Variants in EBP observed in about 807,000 individuals in gnomAD.
EBP encodes the protein 3-beta-hydroxysteroid-Delta(8),Delta(7)-isomerase.
EBP carries 1 observed loss-of-function variant against 14.1 expected under a neutral mutation model. The ratio of observed to expected loss-of-function variants is 0.07; its 90% CI spans 0.03 to 0.34. EBP has a LOEUF of 0.34. EBP is among the 10% of genes least tolerant of loss of function. The probability of loss-of-function intolerance (pLI) is 0.99; values close to 1 mark genes in which losing one functional copy is unlikely to be tolerated. For missense variants in EBP, 123 were observed against 184.6 expected, an observed-to-expected ratio of 0.67 and a Z score of 1.93; for synonymous variants, 72 against 77.7, an observed-to-expected ratio of 0.93 and a Z score of 0.38.
Position 48,523,916 on chromosome X carries a change from T to G in EBP, c.145T>G (p.Leu49Val). The change falls in exon 2 of 5, where the codon TTG (leucine) becomes GTG (valine). Residue 49 changes from leucine (L) to valine (V), a missense_variant. Transcript: ENST00000495186. ...GGTCTTAGTCGTGACCACATGGCTGTTGTCAGGTCGTGCTGCGGTTGTCCC... is the reference window on the plus strand; with the variant it reads ...GGTCTTAGTCGTGACCACATGGCTGGTGTCAGGTCGTGCTGCGGTTGTCCC... The part of the protein sequence containing the change: ...TGVLVVTTWL[L>V]SGRAAVVPLG... 8.3e-7 allele frequency: 1 copy of G among 1,211,603 alleles called. No individual in the cohort carries two copies. The highest frequency in any genetic ancestry group is 1.1e-6 in the Non-Finnish European group (1 of 895,515).
Position 48,523,784 on chromosome X carries a change from G to T in EBP, c.13G>T (p.Ala5Ser). 8.4e-7 allele frequency: 1 copy of T among 1,191,959 alleles called. No homozygotes were observed. Among genetic ancestry groups the T allele is most frequent in the Non-Finnish European group, 1.1e-6 (1 of 888,277 alleles). Residue 5 changes from alanine (A) to serine (S), a missense_variant, in exon 2 of 5, where the codon GCG becomes TCG. Transcript: ENST00000495186. MTTN[A>S]GPLHPYWPQH... ...AGCCCACAAAGACATGACTACCAACGCGGGCCCCTTGCACCCATACTGGCC... is the reference window on the plus strand; with the variant it reads ...AGCCCACAAAGACATGACTACCAACTCGGGCCCCTTGCACCCATACTGGCC...
Position 48,526,857 on chromosome X carries a change from C to T in EBP, c.302-132C>T, listed in dbSNP as rs781844832. ...ACCACTAGAATCCAAACAGTTACCC[C>T]ATTTCACGGATGAGGAAGCAGACGC... On this transcript the variant is annotated intron_variant, in intron 2 of 4. Coordinates refer to ENST00000495186, the MANE Select transcript of EBP (RefSeq NM_006579.3). 272 of 710,157 alleles carry T rather than the reference C, an allele frequency of 3.8e-4. 1 individual carries two copies. Among genetic ancestry groups the T allele is most frequent in the Non-Finnish European group, 3.6e-5 (16 of 445,904 alleles). The allele number at this position is 710,157 out of a possible 1,213,427, so 58.5% of individuals were successfully genotyped here.
In EBP at chrX:48,523,945, G is replaced by A. The variant is rs960238368; in HGVS notation, c.174G>A (p.Leu58=). The change falls in exon 2 of 5, where the codon TTG becomes TTA. Residue 58 remains leucine, a synonymous_variant. Coordinates refer to ENST00000495186, the MANE Select transcript of EBP (RefSeq NM_006579.3). ...LLSGRAAVVP[L]GTWRRLSLCW... ...CAGGTCGTGCTGCGGTTGTCCCATT[G>A]GGGACTTGGCGGCGACTGTCCCTGT... is the stretch of plus-strand genomic sequence containing the variant. 3 of 1,209,211 alleles carry A rather than the reference G, an allele frequency of 2.5e-6. No homozygotes were observed. In the African/African-American group the frequency reaches 5.3e-5, roughly 21 times the overall value.
chrX:48,525,119 T>G, intron 2 of EBP, among the ~76,000 whole-genome samples: 1 of 112,406 alleles, frequency 8.9e-6, no homozygotes, highest in South Asian at 3.7e-4. Context: ...TGTTGATAGT[T>G]GTTTATGTTT....
chrX:48,528,414 C>G lies in EBP; in HGVS notation c.650C>G (p.Thr217Arg). ...AVKHLTHAQSTLDAKATKAKS... is the reference protein window; with the variant it reads ...AVKHLTHAQSRLDAKATKAKS... ...AAGCACCTCACTCATGCCCAGAGCA[C>G]GCTGGATGCCAAGGCCACAAAAGCC... The change falls in exon 5 of 5, where the codon ACG (threonine) becomes AGG (arginine). Residue 217 changes from threonine to arginine, a missense_variant. Thr to Arg is a moderately conservative substitution (Grantham distance 71). Transcript: ENST00000495186. 2 of 1,174,544 alleles carry G rather than the reference C, an allele frequency of 1.7e-6. No individual in the cohort carries two copies. The highest frequency in any genetic ancestry group is 2.3e-6 in the Non-Finnish European group (2 of 876,414).
Position 48,528,461 on chromosome X carries a change from G to GT in EBP, c.*5dup. Reference sequence around the variant, plus strand: ...AGCCAAGAGCAAGAAGAACTGAGGAGTGGTGGACCAGGCTCGAACACTGGC... The same window carrying GT: ...AGCCAAGAGCAAGAAGAACTGAGGAGTTGGTGGACCAGGCTCGAACACTGGC... On this transcript the variant is annotated 3_prime_UTR_variant, in exon 5 of 5. Transcript: ENST00000495186. 1 of 1,162,585 alleles carries GT rather than the reference G, an allele frequency of 8.6e-7. No individual in the cohort carries two copies. The highest frequency in any genetic ancestry group is 1.8e-5 in the African/African-American group (1 of 56,300).
In EBP at chrX:48,528,566, C is replaced by A; in HGVS notation, c.*109C>A. ...AGGGACAAAGCTAATTGATCTGTCA[C>A]ACTCAGGCTCATGGGCAGGCACAAG... On this transcript the variant is annotated 3_prime_UTR_variant, in exon 5 of 5. Transcript: ENST00000495186. 1 of 729,769 alleles carries A rather than the reference C, an allele frequency of 1.4e-6. No individual in the cohort carries two copies. Among genetic ancestry groups the A allele is most frequent in the Non-Finnish European group, 2.1e-6 (1 of 485,905 alleles). The allele number at this position is 729,769 out of a possible 1,213,427, so 60.1% of individuals were successfully genotyped here.
rs1387099617 is a variant in EBP, at chrX:48,523,570, A to C, written c.-73-129A>C. 3 of 451,133 alleles carry C rather than the reference A, an allele frequency of 6.6e-6. No individual in the cohort carries two copies. In the African/African-American group the frequency reaches 7.6e-5, roughly 11 times the overall value. 37.2% of individuals were successfully genotyped at this position (451,133 alleles called of 1,213,427 possible). A position where few individuals can be genotyped will look rare whatever the true frequency, so the allele number is the denominator to read the frequency against. ...CTCCGTCTGAAAAAAAAAAAAAAAA[A>C]CGGAATGTAATTAGAAGTGTTACAA... On this transcript the variant is annotated intron_variant, in intron 1 of 4. Coordinates refer to ENST00000495186, the MANE Select transcript of EBP (RefSeq NM_006579.3).
intron 2 of EBP, 67 bp from the exon 3 acceptor site, chrX:48,526,922 C>T: frequency 8.6e-7 from 1 of 1,161,891 alleles, no homozygotes; most frequent in Non-Finnish European, 1.2e-6. Flanking sequence ...CAGGGACCCC[C>T]AGCTCTCACA....
At chrX:48,525,837 A>T (rs782080987) in intron 2 of EBP, among the ~76,000 whole-genome samples, 19 of 110,003 alleles carry the variant, frequency 1.7e-4, no homozygotes, top group Non-Finnish European at 2.8e-4. Flanking sequence ...CTGTAATCCC[A>T]GCACTTTGTG....
At chrX:48,526,881 G>A (rs909208851) in intron 2 of EBP, 108 bp from the exon 3 acceptor site, 10 of 880,507 alleles carry the variant, frequency 1.1e-5, no homozygotes, top group East Asian at 3.1e-5. Context: ...GGAAGCAGAC[G>A]CATGGGAAGG....
Position 48,523,925 on chromosome X carries a change from C to G in EBP, c.154C>G (p.Arg52Gly). The G allele has an allele frequency of 2.5e-6, 3 of 1,211,460 alleles. No individual in the cohort carries two copies. The highest frequency in any genetic ancestry group is 3.4e-6 in the Non-Finnish European group (3 of 895,505). ...CGTGACCACATGGCTGTTGTCAGGT[C>G]GTGCTGCGGTTGTCCCATTGGGGAC... Reference protein sequence around the residue: ...LVVTTWLLSGRAAVVPLGTWR... With the variant: ...LVVTTWLLSGGAAVVPLGTWR... The change falls in exon 2 of 5, where the codon CGT (arginine) becomes GGT (glycine). Residue 52 changes from arginine (R) to glycine (G), a missense_variant. Transcript: ENST00000495186.
chrX:48,523,688 T>C lies in EBP; in HGVS notation c.-73-11T>C. 2 of 974,877 alleles carry C rather than the reference T, an allele frequency of 2.1e-6. No homozygotes were observed. The highest frequency in any genetic ancestry group is 3.4e-5 in the East Asian group (1 of 29,847). The allele number at this position is 974,877 out of a possible 1,213,427, so 80.3% of individuals were successfully genotyped here. ...TTTTATTATCTCATTCTGTACTTTCTATTTGTCCAGGTTTTTCTGTTCCTT... is the reference window on the plus strand; with the variant it reads ...TTTTATTATCTCATTCTGTACTTTCCATTTGTCCAGGTTTTTCTGTTCCTT... On this transcript the variant is annotated splice_polypyrimidine_tract_variant and intron_variant, in intron 1 of 4. Transcript: ENST00000495186.
Position 48,523,779 on chromosome X carries a change from C to A in EBP, c.8C>A (p.Thr3Asn). The A allele has an allele frequency of 8.3e-7, 1 of 1,199,588 alleles. No individual in the cohort carries two copies. Among genetic ancestry groups the A allele is most frequent in the Non-Finnish European group, 1.1e-6 (1 of 890,338 alleles). Reference sequence around the variant, plus strand: ...CCATCAGCCCACAAAGACATGACTACCAACGCGGGCCCCTTGCACCCATAC... The same window carrying A: ...CCATCAGCCCACAAAGACATGACTAACAACGCGGGCCCCTTGCACCCATAC... MT[T>N]NAGPLHPYWP... Residue 3 changes from threonine to asparagine, a missense_variant, in exon 2 of 5, where the codon ACC (threonine) becomes AAC (asparagine). Thr to Asn is a moderately conservative substitution (Grantham distance 65, BLOSUM62 0). Transcript: ENST00000495186.
chrX:48,523,847 C>T lies in EBP; in HGVS notation c.76C>T (p.Arg26Cys), dbSNP rs200081935. The change falls in exon 2 of 5, where the codon CGC (arginine) becomes TGC (cysteine). Residue 26 changes from arginine to cysteine, a missense_variant. By Grantham distance (180) the Arg-to-Cys change is radical. Coordinates refer to ENST00000495186, the MANE Select transcript of EBP (RefSeq NM_006579.3). ...ACTGGACAACTTTGTACCTAATGAC[C>T]GCCCCACCTGGCATATACTGGCTGG... ...LRLDNFVPND[R>C]PTWHILAGLF... 1.7e-5 allele frequency: 20 copies of T among 1,210,939 alleles called. No individual in the cohort carries two copies. The highest frequency in any genetic ancestry group is 3.5e-5 in the South Asian group (2 of 56,944).
rs782102905 is a variant in EBP, at chrX:48,523,742, A to G, written c.-30A>G. The G allele has an allele frequency of 1.8e-6, 2 of 1,128,211 alleles. No homozygotes were observed. Among genetic ancestry groups the G allele is most frequent in the East Asian group, 3.2e-5 (1 of 31,043 alleles). 93.0% of individuals were successfully genotyped at this position (1,128,211 alleles called of 1,213,427 possible). A position where few individuals can be genotyped will look rare whatever the true frequency, so the allele number is the denominator to read the frequency against. On this transcript the variant is annotated 5_prime_UTR_variant, in exon 2 of 5. Transcript: ENST00000495186. ...TTTTTTTTTTTTTAACTTCCTGCCTATACACACGCAGCCATCAGCCCACAA... is the reference window on the plus strand; with the variant it reads ...TTTTTTTTTTTTTAACTTCCTGCCTGTACACACGCAGCCATCAGCCCACAA...
In EBP at chrX:48,528,202, G is replaced by A. The variant is rs782743328; in HGVS notation, c.470-32G>A. The A allele has an allele frequency of 2.4e-5, 28 of 1,169,909 alleles. No individual in the cohort carries two copies. In the African/African-American group the frequency reaches 3.7e-4, roughly 16 times the overall value. ...TGGCGAAAGTGTCCCCTTCCTCACTGGGGCTTCTCCTTCCCCTCCTGCCAC... is the reference window on the plus strand; with the variant it reads ...TGGCGAAAGTGTCCCCTTCCTCACTAGGGCTTCTCCTTCCCCTCCTGCCAC... On this transcript the variant is annotated intron_variant, in intron 4 of 4. Transcript: ENST00000495186.
intron 2 of EBP, 68 bp from the exon 3 acceptor site, chrX:48,526,921 C>T (rs1036933729): frequency 8.6e-7 from 1 of 1,159,396 alleles, no homozygotes; most frequent in Admixed American, 2.2e-5. Flanking sequence ...GCAGGGACCC[C>T]CAGCTCTCAC....
chrX:48,523,711 CTTT>C lies in EBP; in HGVS notation c.-45_-43del, dbSNP rs782299900. ...TCTATTTGTCCAGGTTTTTCTGTTC[CTTT>C]TTTTTTTTTTTTTTTAACTTCCTGC... is the stretch of plus-strand genomic sequence containing the variant. On this transcript the variant is annotated 5_prime_UTR_variant, in exon 2 of 5. Coordinates refer to ENST00000495186, the MANE Select transcript of EBP (RefSeq NM_006579.3). 8,271 of 829,544 alleles carry C rather than the reference CTTT, an allele frequency of 1.0e-2. No individual in the cohort carries two copies. Among genetic ancestry groups the C allele is most frequent in the Non-Finnish European group, 0.011 (6,921 of 610,961 alleles). The allele number at this position is 829,544 out of a possible 1,213,427, so 68.4% of individuals were successfully genotyped here.
Sources: allele counts gnomAD v4.1 joint callset (sites outside exome capture counted in the v4.1 genomes callset), GRCh38; gene constraint gnomAD v4.1.1; transcripts MANE v1.5; gene names NCBI Gene and HGNC (gene_info 2026-07-23, HGNC 2026-07-21).